HHIPL2: variants seen among roughly 807,000 people sequenced by gnomAD.
The protein encoded by HHIPL2 is HHIP like 2.
Under a neutral mutation model 61.0 loss-of-function variants are expected in HHIPL2, and 61 were observed. That is an observed-to-expected ratio of 1.00 (90% confidence interval 0.81 to 1.24). The LOEUF (loss-of-function observed/expected upper bound fraction) is 1.24, where lower values mean the gene tolerates loss of function less well. Ranked by LOEUF, HHIPL2 falls within the 50% of genes most tolerant of loss-of-function variation. HHIPL2 has a pLI of 0.00. For missense variants in HHIPL2, 885 were observed against 910.2 expected, an observed-to-expected ratio of 0.97 and a Z score of 0.36; for synonymous variants, 343 against 357.4, an observed-to-expected ratio of 0.96 and a Z score of 0.45.
In HHIPL2 at chr1:222,547,815, C is replaced by A. The variant is rs573258123; in HGVS notation, c.230G>T (p.Arg77Leu). Residue 77 changes from arginine (R) to leucine (L), a missense_variant, in exon 1 of 9, where the codon CGC (arginine) becomes CTC (leucine). Physicochemically the swap from Arg to Leu is moderately radical, Grantham distance 102. Transcript: ENST00000343410. The stretch of plus-strand genomic sequence containing the variant: ...GATGTCCCAGTACCGGGCAGCGATG[C>A]GGCGGTCCTTGTGCTGATCACAGCA... ...FGCCDQHKDR[R>L]IAARYWDIME... 9.5e-5 allele frequency: 154 copies of A among 1,614,036 alleles called. No individual in the cohort carries two copies. The highest frequency in any genetic ancestry group is 9.1e-4 in the East Asian group (41 of 44,884).
At chr1:222,524,832 C>T (rs1558125479) in intron 7 of HHIPL2, 1 of 152,146 alleles carries the variant, frequency 6.6e-6, no homozygotes. Flanking sequence ...CTATATGATT[C>T]GATATAATTA....
intron 6 of HHIPL2, among the ~76,000 whole-genome samples, chr1:222,530,470 G>C (rs1659163610): frequency 6.6e-6 from 1 of 152,176 alleles, no homozygotes; most frequent in African/African-American, 2.4e-5. Context: ...TTCCAATTTG[G>C]AACTCACATA....
chr1:222,530,736 A>T (rs994126552), intron 6 of HHIPL2, among the ~76,000 whole-genome samples: 3 of 130,914 alleles, frequency 2.3e-5, no homozygotes, highest in Non-Finnish European at 3.2e-5. Context: ...TTTTTTTTAA[A>T]TTTTTTCTTT....
intron 5 of HHIPL2, 65 bp downstream of exon 5, chr1:222,538,583 T>A: frequency 7.0e-7 from 1 of 1,428,360 alleles, no homozygotes; most frequent in Non-Finnish European, 9.8e-7. Flanking sequence ...TCACCATATG[T>A]AAGTTATACC....
chr1:222,545,804 G>T (rs1224646460), intron 1 of HHIPL2, among the ~76,000 whole-genome samples: 1 of 152,018 alleles, frequency 6.6e-6, no homozygotes, highest in Non-Finnish European at 1.5e-5. Flanking sequence ...GATGAGGGGG[G>T]CAGATCACCT....
chr1:222,523,398 C>T (rs1408408418), intron 8 of HHIPL2, among the ~76,000 whole-genome samples: 3 of 152,104 alleles, frequency 2.0e-5, no homozygotes, highest in Admixed American at 6.5e-5. Context: ...AATCAACAAA[C>T]GAATGAATGA....
At chr1:222,533,604 G>T (rs78342465) in intron 5 of HHIPL2, among the ~76,000 whole-genome samples, 6,240 of 152,228 alleles carry the variant, frequency 0.041, 153 homozygotes, top group Middle Eastern at 0.071. Context: ...ACAGGGACCA[G>T]ATTTACTTTC....
At chr1:222,534,937 A>G (rs969360760) in intron 5 of HHIPL2, among the ~76,000 whole-genome samples, 3 of 152,212 alleles carry the variant, frequency 2.0e-5, no homozygotes, top group Non-Finnish European at 2.9e-5. Flanking sequence ...AAAATGTTCC[A>G]TATTTCTTGA....
At chr1:222,527,209 G>T (rs1659087873) in intron 6 of HHIPL2, among the ~76,000 whole-genome samples, 159 bp from the exon 7 acceptor site, 1 of 152,180 alleles carries the variant, frequency 6.6e-6, no homozygotes. Flanking sequence ...AGCTCTGCTG[G>T]GCTGTGAGCT....
Position 222,543,539 on chromosome 1 carries a change from C to T in HHIPL2, c.972G>A (p.Glu324=), listed in dbSNP as rs748099946. ...AGGCTCTCATGAGTACCTCTCACCT[C>T]TCTGATTTCAGGTCAGCTTTGTTAG... ...ADPNKADLKS[E]RVILEIEEPA... is the part of the protein sequence containing the mutation. The change falls in exon 2 of 9, where the codon GAG becomes GAA. Residue 324 remains glutamate, a splice_region_variant and synonymous_variant. Transcript: ENST00000343410. The T allele has an allele frequency of 5.6e-6, 9 of 1,609,904 alleles. No homozygotes were observed. In the East Asian group the frequency reaches 1.3e-4, roughly 24 times the overall value.
Position 222,543,914 on chromosome 1 carries a change from T to C in HHIPL2, c.597A>G (p.Gln199=). 3 of 1,614,228 alleles carry C rather than the reference T, an allele frequency of 1.9e-6. No homozygotes were observed. The Middle Eastern group carries it at 4.9e-4, about 266-fold the overall frequency. Residue 199 remains glutamine (Q), a synonymous_variant, in exon 2 of 9, where the codon CAA becomes CAG. Coordinates refer to ENST00000343410, the MANE Select transcript of HHIPL2 (RefSeq NM_024746.4). Reference sequence around the variant, plus strand: ...AGAGCTGCAGGCAGCCCTGAGGATCTTGGGCCACCATGCCCAGGTGGCGGT... The same window carrying C: ...AGAGCTGCAGGCAGCCCTGAGGATCCTGGGCCACCATGCCCAGGTGGCGGT... The part of the protein sequence containing the change: ...YLNRHLGMVA[Q]DPQGCLQLCL...
intron 4 of HHIPL2, 51 bp downstream of exon 4, chr1:222,539,959 T>A (rs1659393302): frequency 2.0e-6 from 3 of 1,489,732 alleles, no homozygotes; most frequent in South Asian, 2.4e-5. Flanking sequence ...TACCTCCACC[T>A]CCAGCCCACT....
chr1:222,529,092 G>T (rs1324277499), intron 6 of HHIPL2, among the ~76,000 whole-genome samples: 1 of 152,126 alleles, frequency 6.6e-6, no homozygotes, highest in African/African-American at 2.4e-5. Context: ...AAAGCAGTAG[G>T]ATTACAGGCA....
chr1:222,524,590 T>C (rs34513020), intron 7 of HHIPL2, among the ~76,000 whole-genome samples: 41,565 of 152,066 alleles, frequency 0.27, 5,845 homozygotes, highest in East Asian at 0.34. Flanking sequence ...CAAGGCCACA[T>C]AGTTAGTCAG....
Position 222,531,990 on chromosome 1 carries a change from T to C in HHIPL2, c.1699A>G (p.Ile567Val). The change falls in exon 6 of 9, where the codon ATC (isoleucine) becomes GTC (valine). Residue 567 changes from isoleucine (I) to valine (V), a missense_variant. Physicochemically the swap from Ile to Val is conservative, Grantham distance 29 (BLOSUM62 3). Coordinates refer to ENST00000343410, the MANE Select transcript of HHIPL2 (RefSeq NM_024746.4). ...CCTGCTTCATCTTCAGCAAAGGAGA[T>C]GATGAACTTGCTATGGGTGCTGATC... ...GLISTHSKFIISFAEDEAGEL... is the reference protein window; with the variant it reads ...GLISTHSKFIVSFAEDEAGEL... The C allele has an allele frequency of 6.2e-7, 1 of 1,608,710 alleles. No individual in the cohort carries two copies. The highest frequency in any genetic ancestry group is 8.5e-7 in the Non-Finnish European group (1 of 1,175,782).
chr1:222,538,563 T>C lies in HHIPL2; in HGVS notation c.1577+85A>G, dbSNP rs554004037. Reference sequence around the variant, plus strand: ...AACATCAAACACCTGTGCTCTTACGTGATTATATTTCACCATATGTAAGTT... The same window carrying C: ...AACATCAAACACCTGTGCTCTTACGCGATTATATTTCACCATATGTAAGTT... On this transcript the variant is annotated intron_variant, in intron 5 of 8. Transcript: ENST00000343410. 7 of 1,254,430 alleles carry C rather than the reference T, an allele frequency of 5.6e-6. No individual in the cohort carries two copies. The African/African-American group carries it at 7.5e-5, about 13-fold the overall frequency. 77.7% of individuals were successfully genotyped at this position (1,254,430 alleles called of 1,614,324 possible). A position where few individuals can be genotyped will look rare whatever the true frequency, so the allele number is the denominator to read the frequency against.
intron 6 of HHIPL2, among the ~76,000 whole-genome samples, chr1:222,527,728 A>G (rs954298143): frequency 6.6e-6 from 1 of 152,164 alleles, no homozygotes. Context: ...AGATAATTGA[A>G]TCATGGGGGC....
intron 2 of HHIPL2, among the ~76,000 whole-genome samples, chr1:222,543,172 A>G (rs922607286): frequency 1.3e-5 from 2 of 152,244 alleles, no homozygotes; most frequent in South Asian, 2.1e-4. Context: ...AAGAAATCCC[A>G]CATTCAAAGT....
chr1:222,532,207 T>C, intron 5 of HHIPL2, 96 bp from the exon 6 acceptor site: 1 of 1,082,876 alleles, frequency 9.2e-7, no homozygotes, highest in East Asian at 2.6e-5. Flanking sequence ...GTACTAGGAC[T>C]GAGTCCCCCA....
Sources: allele counts gnomAD v4.1 joint callset (sites outside exome capture counted in the v4.1 genomes callset), GRCh38; gene constraint gnomAD v4.1.1; transcripts MANE v1.5; gene names NCBI Gene and HGNC (gene_info 2026-07-23, HGNC 2026-07-21).